Variants in MACROD2 observed in about 807,000 individuals in gnomAD.
The protein encoded by MACROD2 is mono-ADP ribosylhydrolase 2, also known as ADP-ribose glycohydrolase MACROD2.
In MACROD2, 36 loss-of-function variants were observed where a neutral mutation model predicts 70.4. The observed-to-expected ratio is 0.51, with a 90% confidence interval of 0.39 to 0.68. The LOEUF is 0.68. Among genes scored for constraint, MACROD2 ranks in the 30% least tolerant of loss-of-function variants. MACROD2 has a pLI of 0.00. For missense variants in MACROD2, 496 were observed against 538.4 expected, an observed-to-expected ratio of 0.92 and a Z score of 0.78; for synonymous variants, 172 against 178.8, an observed-to-expected ratio of 0.96 and a Z score of 0.30.
intron 7 of MACROD2, among the ~76,000 whole-genome samples, chr20:15,488,275 T>C (rs1479928374): frequency 1.3e-5 from 2 of 152,122 alleles, no homozygotes; most frequent in African/African-American, 4.8e-5. Flanking sequence ...CTCATAGGCC[T>C]CAGGTGGCAC....
chr20:14,517,996 T>C (rs1279387988), intron 4 of MACROD2, among the ~76,000 whole-genome samples: 1 of 152,174 alleles, frequency 6.6e-6, no homozygotes, highest in East Asian at 1.9e-4. Flanking sequence ...TTTTTGACTT[T>C]CTATTCATTA....
intron 3 of MACROD2, chr20:14,337,472 G>C: frequency 2.5e-6 from 1 of 396,958 alleles, no homozygotes; most frequent in Non-Finnish European, 4.4e-6. Context: ...ACAGTGAATT[G>C]GAGTAATAGC....
chr20:14,666,215 T>A (rs1301324575), intron 4 of MACROD2, among the ~76,000 whole-genome samples: 1 of 152,168 alleles, frequency 6.6e-6, no homozygotes, highest in Non-Finnish European at 1.5e-5. Context: ...AAGTTCCGGT[T>A]TCACAGAACT....
At chr20:15,249,208 G>GCTAGACCTTGAGT (rs2077132556) in intron 6 of MACROD2, among the ~76,000 whole-genome samples, 1 of 152,116 alleles carries the variant, frequency 6.6e-6, no homozygotes, top group Non-Finnish European at 1.5e-5. Flanking sequence ...TCACCCTCAG[G>GCTAGACCTTGAGT]CAGTCTCAGG....
chr20:14,990,225 C>T (rs2074889061), intron 5 of MACROD2, among the ~76,000 whole-genome samples: 1 of 152,052 alleles, frequency 6.6e-6, no homozygotes, highest in Admixed American at 6.6e-5. Context: ...TGATCAGCCT[C>T]ATATTTAATA....
intron 6 of MACROD2, among the ~76,000 whole-genome samples, chr20:15,379,530 A>G (rs12480316): frequency 6.6e-6 from 1 of 152,058 alleles, no homozygotes; most frequent in East Asian, 1.9e-4. Flanking sequence ...TCAGCAAATG[A>G]TGTGATACGA....
intron 10 of MACROD2, among the ~76,000 whole-genome samples, chr20:15,889,460 A>G (rs373099655): frequency 6.6e-6 from 1 of 152,096 alleles, no homozygotes; most frequent in South Asian, 2.1e-4. Context: ...AGTTTGCCTG[A>G]CCCCAAAATT....
At chr20:14,471,951 G>C (rs2084535714) in intron 3 of MACROD2, among the ~76,000 whole-genome samples, 1 of 152,100 alleles carries the variant, frequency 6.6e-6, no homozygotes, top group African/African-American at 2.4e-5. Flanking sequence ...CTTTTTGTTA[G>C]CTATGATGTT....
At chr20:15,531,674 G>C (rs1046303756) in intron 8 of MACROD2, among the ~76,000 whole-genome samples, 2 of 152,062 alleles carry the variant, frequency 1.3e-5, no homozygotes, top group Non-Finnish European at 2.9e-5. Flanking sequence ...CTCAGGCCCT[G>C]GAAACTAGGA....
intron 6 of MACROD2, among the ~76,000 whole-genome samples, chr20:15,418,763 G>T (rs1458452901): frequency 6.6e-6 from 1 of 152,120 alleles, no homozygotes; most frequent in Non-Finnish European, 1.5e-5. Flanking sequence ...TCTTCTTAAG[G>T]GGCCTCTCAC....
intron 8 of MACROD2, among the ~76,000 whole-genome samples, chr20:15,675,747 C>A (rs2050048498): frequency 6.6e-6 from 1 of 152,048 alleles, no homozygotes; most frequent in Non-Finnish European, 1.5e-5. Flanking sequence ...TCAGCAGCAG[C>A]CTCAGAAGTA....
intron 3 of MACROD2, among the ~76,000 whole-genome samples, chr20:14,456,884 C>G (rs898656454): frequency 6.7e-6 from 1 of 149,168 alleles, no homozygotes; most frequent in Non-Finnish European, 1.5e-5. Flanking sequence ...GCCCGGCCAA[C>G]TTTTTTGTAT....
chr20:15,254,378 T>C (rs1439612292), intron 6 of MACROD2, among the ~76,000 whole-genome samples: 4 of 152,286 alleles, frequency 2.6e-5, no homozygotes, highest in African/African-American at 9.6e-5. Flanking sequence ...CTCTTGACAC[T>C]TCCACTGCCT....
chr20:14,092,520 C>T (rs1425602864), intron 3 of MACROD2, among the ~76,000 whole-genome samples: 1 of 152,030 alleles, frequency 6.6e-6, no homozygotes, highest in Non-Finnish European at 1.5e-5. Flanking sequence ...TTTAGGTAAA[C>T]ATTAATTTTG....
chr20:15,876,185 T>A (rs1037914795), intron 9 of MACROD2, among the ~76,000 whole-genome samples: 5 of 150,482 alleles, frequency 3.3e-5, no homozygotes, highest in African/African-American at 1.2e-4. Context: ...TACATATGTA[T>A]ACATGTGCCA....
intron 3 of MACROD2, among the ~76,000 whole-genome samples, chr20:14,279,863 C>T (rs905111508): frequency 1.1e-4 from 17 of 152,012 alleles, no homozygotes; most frequent in African/African-American, 4.1e-4. Flanking sequence ...GGCACTAACG[C>T]GGAAACATTT....
At chr20:14,965,453 CTTTTTT>C (rs532870999) in intron 5 of MACROD2, among the ~76,000 whole-genome samples, 7 of 68,074 alleles carry the variant, frequency 1.0e-4, no homozygotes, top group Admixed American at 2.4e-4. Context: ...ATTTTTTTTT[CTTTTTT>C]TTTTTTTTTT....
chr20:15,940,542 C>T (rs1425747472), intron 12 of MACROD2, among the ~76,000 whole-genome samples: 1 of 152,190 alleles, frequency 6.6e-6, no homozygotes, highest in Non-Finnish European at 1.5e-5. Context: ...CCACAGCTAC[C>T]TCAACCTTGA....
At chr20:14,070,766 C>G (rs1179024483) in intron 2 of MACROD2, among the ~76,000 whole-genome samples, 1 of 152,134 alleles carries the variant, frequency 6.6e-6, no homozygotes, top group Non-Finnish European at 1.5e-5. Flanking sequence ...TCTCTGAATC[C>G]TGTCTATGGG....
Sources: gnomAD v4.1 joint callset for allele counts (sites outside exome capture counted in the v4.1 genomes callset) on GRCh38, gnomAD v4.1.1 for gene constraint, MANE v1.5 for transcripts, NCBI Gene and HGNC (gene_info 2026-07-23, HGNC 2026-07-21) for gene names.